Variants in JARID2 observed in about 807,000 individuals in gnomAD.
The protein encoded by JARID2 is jumonji and AT-rich interaction domain containing 2, also known as protein Jumonji.
A neutral mutation model predicts 125.6 loss-of-function variants in JARID2; 21 were observed. The ratio of observed to expected loss-of-function variants is 0.17; its 90% confidence interval spans 0.12 to 0.24. The LOEUF (loss-of-function observed/expected upper bound fraction) is 0.24, where lower values mean the gene tolerates loss of function less well. Among genes scored for constraint, JARID2 ranks in the 10% least tolerant of loss-of-function variants. The pLI, the probability that JARID2 is intolerant of heterozygous loss-of-function variation, is 1.00. For missense variants in JARID2, 1,303 were observed against 1,639.6 expected, an observed-to-expected ratio of 0.79 and a Z score of 3.55; for synonymous variants, 736 against 661.6, an observed-to-expected ratio of 1.11 and a Z score of -1.73.
At position 15,469,494 on chromosome 6, in the gene JARID2, G is replaced by A. The variant is rs145865961; in HGVS notation, c.670+776G>A. 7.2e-3 allele frequency among the ~76,000 whole-genome samples: 1,063 copies of A among 147,642 alleles called. 14 individuals carry two copies. Among genetic ancestry groups the A allele is most frequent in the African/African-American group, 0.025 (1,009 of 39,804 alleles). On this transcript the variant is annotated intron_variant, in intron 5 of 17. Coordinates refer to ENST00000341776, the MANE Select transcript of JARID2 (RefSeq NM_004973.4). ...GTCGCCCAGGCTGGAGTGCAGTGGC[G>A]CGATCTCGGCTCACTGCCAGCTCTA...
chr6:15,375,147 G>A (rs535040717), intron 2 of JARID2, among the ~76,000 whole-genome samples: 1 of 152,274 alleles, frequency 6.6e-6, no homozygotes, highest in South Asian at 2.1e-4. Context: ...CACCACCTTA[G>A]TTGTATGGTG....
intron 2 of JARID2, among the ~76,000 whole-genome samples, chr6:15,387,836 A>G (rs967673773): frequency 2.0e-5 from 3 of 152,158 alleles, no homozygotes; most frequent in Admixed American, 2.0e-4. Context: ...TTCTGTTGTC[A>G]TAGATTATTT....
intron 5 of JARID2, among the ~76,000 whole-genome samples, chr6:15,482,511 AC>A (rs1487034163): frequency 6.6e-6 from 1 of 152,218 alleles, no homozygotes; most frequent in African/African-American, 2.4e-5. Context: ...ATAGTCCAAA[AC>A]CAAAAACTTA....
At chr6:15,496,098 G>GTT in intron 6 of JARID2, 34 bp from the exon 7 acceptor site, 1 of 1,562,256 alleles carries the variant, frequency 6.4e-7, no homozygotes, top group Non-Finnish European at 8.7e-7. Context: ...CTAATTCTGC[G>GTT]TTTTTTTCCA....
At position 15,295,698 on chromosome 6, in the gene JARID2, C is replaced by G. The variant is rs528788594; in HGVS notation, c.45+49114C>G. Among the ~76,000 whole-genome samples the G allele has an allele frequency of 2.6e-5, 4 of 152,302 alleles. No individual in the cohort carries two copies. The South Asian group carries it at 8.3e-4, about 32-fold the overall frequency. On this transcript the variant is annotated intron_variant, in intron 1 of 17. Transcript: ENST00000341776. ...TTTATTTTTGAGACGGAGTCTCGCT[C>G]TGTCACCTAAGCTGCAGTAGAGTGG...
chr6:15,510,626 C>T (rs975660845), intron 12 of JARID2, among the ~76,000 whole-genome samples: 1 of 152,214 alleles, frequency 6.6e-6, no homozygotes, highest in Non-Finnish European at 1.5e-5. Flanking sequence ...GTGTGTCTTG[C>T]TGTATGTGCC....
chr6:15,266,888 T>C (rs975189659), intron 1 of JARID2, among the ~76,000 whole-genome samples: 2 of 152,192 alleles, frequency 1.3e-5, no homozygotes, highest in African/African-American at 4.8e-5. Context: ...CAGCCACTTA[T>C]TAGCTGCATG....
At chr6:15,511,715 T>G (rs1431383833) in intron 13 of JARID2, among the ~76,000 whole-genome samples, 1 of 152,186 alleles carries the variant, frequency 6.6e-6, no homozygotes, top group East Asian at 1.9e-4. Flanking sequence ...CACAAAGGCT[T>G]CTTCACCTGT....
intron 6 of JARID2, among the ~76,000 whole-genome samples, chr6:15,488,014 C>T (rs1052894432): frequency 3.3e-5 from 5 of 152,188 alleles, no homozygotes; most frequent in African/African-American, 7.2e-5. Flanking sequence ...TGTGCACTGC[C>T]GAGCAGTCTG....
chr6:15,483,097 A>G (rs981445653), intron 5 of JARID2, among the ~76,000 whole-genome samples: 1 of 152,238 alleles, frequency 6.6e-6, no homozygotes, highest in Non-Finnish European at 1.5e-5. Flanking sequence ...CATTTTTGAA[A>G]AAAATCTAGT....
intron 1 of JARID2, chr6:15,248,081 G>C (rs1759254434): frequency 3.0e-6 from 3 of 985,342 alleles, no homozygotes; most frequent in Non-Finnish European, 3.6e-6. Context: ...TTCTTATTGC[G>C]GGCGTTCAGC....
intron 1 of JARID2, among the ~76,000 whole-genome samples, chr6:15,351,642 C>A (rs1360123612): frequency 6.6e-6 from 1 of 152,212 alleles, no homozygotes; most frequent in South Asian, 2.1e-4. Context: ...GGAGCCAATC[C>A]TATTCACCAC....
intron 5 of JARID2, among the ~76,000 whole-genome samples, chr6:15,469,495 C>A (rs928255351): frequency 6.7e-6 from 1 of 148,340 alleles, no homozygotes; most frequent in East Asian, 2.0e-4. Context: ...TGCAGTGGCG[C>A]GATCTCGGCT....
intron 6 of JARID2, among the ~76,000 whole-genome samples, chr6:15,493,201 G>A (rs1770242282): frequency 6.6e-6 from 1 of 152,112 alleles, no homozygotes; most frequent in Non-Finnish European, 1.5e-5. Context: ...TTGGACAGCG[G>A]TGTTAGGGAA....
At chr6:15,337,592 A>G (rs1270748481) in intron 1 of JARID2, among the ~76,000 whole-genome samples, 1 of 152,138 alleles carries the variant, frequency 6.6e-6, no homozygotes, top group Non-Finnish European at 1.5e-5. Flanking sequence ...GAGGAATTCA[A>G]CCTGGTCTGA....
At chr6:15,254,673 G>A (rs575190852) in intron 1 of JARID2, among the ~76,000 whole-genome samples, 1 of 152,278 alleles carries the variant, frequency 6.6e-6, no homozygotes, top group East Asian at 1.9e-4. Flanking sequence ...CCCATGAAGA[G>A]GAAGGCCAGT....
intron 1 of JARID2, among the ~76,000 whole-genome samples, chr6:15,361,158 A>T (rs1411490248): frequency 6.6e-6 from 1 of 152,080 alleles, no homozygotes; most frequent in Non-Finnish European, 1.5e-5. Context: ...TTTTTCACAC[A>T]CGCCACATCT....
At chr6:15,495,425 A>C (rs1487351807) in intron 6 of JARID2, among the ~76,000 whole-genome samples, 1 of 152,114 alleles carries the variant, frequency 6.6e-6, no homozygotes, top group African/African-American at 2.4e-5. Flanking sequence ...TTCAACAGTG[A>C]GGTCGGGGCA....
rs757273269 is a variant in JARID2 at position 15,496,915 on chromosome 6, G to A, written c.1690G>A (p.Ala564Thr). Reference sequence around the variant, plus strand: ...CGAGATCCCCGTCCTCAGGCCCTCCGCCAAGGAGTTCCACGATCCGCTCAT... The same window carrying A: ...CGAGATCCCCGTCCTCAGGCCCTCCACCAAGGAGTTCCACGATCCGCTCAT... ...MDEIPVLRPSAKEFHDPLIYI... is the reference protein window; with the variant it reads ...MDEIPVLRPSTKEFHDPLIYI... Residue 564 changes from alanine to threonine, a missense_variant, in exon 7 of 18, where the codon GCC becomes ACC. Transcript: ENST00000341776. 2.6e-5 allele frequency: 42 copies of A among 1,601,774 alleles called. No homozygotes were observed. The highest frequency in any genetic ancestry group is 6.7e-5 in the Admixed American group (4 of 59,492).
Sources: gnomAD v4.1 joint callset for allele counts (sites outside exome capture counted in the v4.1 genomes callset) on GRCh38, gnomAD v4.1.1 for gene constraint, MANE v1.5 for transcripts, NCBI Gene and HGNC (gene_info 2026-07-23, HGNC 2026-07-21) for gene names.